Variants in CSNK2A2IP observed in about 807,000 individuals in gnomAD.
CSNK2A2IP encodes the protein casein kinase II subunit alpha'-interacting protein.
At chr3:88,464,939 T>C in the CSNK2A2IP span, 1 of 155,730 alleles carries the variant, frequency 6.4e-6, no homozygotes, top group South Asian at 2.1e-4. Flanking sequence ...TCAAAAGATA[T>C]GCATAGTGAT....
chr3:88,429,749 T>A, the CSNK2A2IP span, among the ~76,000 whole-genome samples: 201 of 152,068 alleles, frequency 1.3e-3, 1 homozygote, highest in Non-Finnish European at 2.2e-3. Context: ...TTTTTTGTTG[T>A]TGTTGTTTTG....
chr3:88,417,080 T>C, the CSNK2A2IP span, among the ~76,000 whole-genome samples: 1 of 149,888 alleles, frequency 6.7e-6, no homozygotes, highest in South Asian at 2.1e-4. Context: ...ATAAGATTAC[T>C]AGACACTGAT....
At chr3:88,422,216 A>G in the CSNK2A2IP span, among the ~76,000 whole-genome samples, 3 of 152,186 alleles carry the variant, frequency 2.0e-5, no homozygotes, top group Non-Finnish European at 4.4e-5. Flanking sequence ...ATGCATTTAA[A>G]TTCCCATCTA....
the CSNK2A2IP span, among the ~76,000 whole-genome samples, chr3:88,413,329 T>C: frequency 3.9e-5 from 6 of 151,928 alleles, no homozygotes; most frequent in Admixed American, 6.6e-5. Flanking sequence ...TAGGAGAAGG[T>C]GTAACTCTTA....
the CSNK2A2IP span, among the ~76,000 whole-genome samples, chr3:88,340,932 T>C: frequency 6.6e-6 from 1 of 151,928 alleles, no homozygotes; most frequent in Admixed American, 6.6e-5. Flanking sequence ...TACATTAGAA[T>C]CAATGTTTGT....
At chr3:88,453,557 A>G in the CSNK2A2IP span, among the ~76,000 whole-genome samples, 436 of 152,154 alleles carry the variant, frequency 2.9e-3, 2 homozygotes, top group African/African-American at 9.8e-3. Context: ...TCCCTGAAGG[A>G]CTATATCTTA....
chr3:88,379,343 T>C, the CSNK2A2IP span, among the ~76,000 whole-genome samples: 2 of 152,062 alleles, frequency 1.3e-5, no homozygotes, highest in Non-Finnish European at 2.9e-5. Flanking sequence ...ATTTCTATGG[T>C]TAATTGAGGC....
the CSNK2A2IP span, among the ~76,000 whole-genome samples, chr3:88,351,854 G>T: frequency 1.6e-3 from 250 of 152,014 alleles, 2 homozygotes; most frequent in East Asian, 0.014. Flanking sequence ...TTTCATCAAA[G>T]GAAACATTCT....
At chr3:88,414,834 C>T in the CSNK2A2IP span, among the ~76,000 whole-genome samples, 6 of 151,684 alleles carry the variant, frequency 4.0e-5, no homozygotes, top group Non-Finnish European at 8.8e-5. Context: ...TAGGACTGTA[C>T]AGTATGTTAG....
the CSNK2A2IP span, among the ~76,000 whole-genome samples, chr3:88,405,069 T>G: frequency 6.6e-6 from 1 of 152,106 alleles, no homozygotes; most frequent in African/African-American, 2.4e-5. Flanking sequence ...ACCTTTACCT[T>G]GATGTTTCCT....
the CSNK2A2IP span, among the ~76,000 whole-genome samples, chr3:88,434,311 G>C: frequency 6.6e-6 from 1 of 151,804 alleles, no homozygotes; most frequent in Admixed American, 6.6e-5. Context: ...AGTCTTTGTA[G>C]GTCTGGTAAA....
chr3:88,359,973 A>G, the CSNK2A2IP span, among the ~76,000 whole-genome samples: 7 of 152,090 alleles, frequency 4.6e-5, no homozygotes, highest in Non-Finnish European at 8.8e-5. Context: ...GAAGTCCCCA[A>G]CTATTATTGT....
At chr3:88,425,865 G>C in the CSNK2A2IP span, among the ~76,000 whole-genome samples, 1 of 152,070 alleles carries the variant, frequency 6.6e-6, no homozygotes, top group East Asian at 1.9e-4. Flanking sequence ...TATTATGCTA[G>C]ATGTTGCTGG....
the CSNK2A2IP span, among the ~76,000 whole-genome samples, chr3:88,431,460 G>A: frequency 6.6e-6 from 1 of 152,164 alleles, no homozygotes; most frequent in Admixed American, 6.6e-5. Flanking sequence ...CATGGGGAAA[G>A]GGTTGGAAGG....
At chr3:88,364,227 G>T in the CSNK2A2IP span, among the ~76,000 whole-genome samples, 5,462 of 151,840 alleles carry the variant, frequency 0.036, 144 homozygotes, top group East Asian at 0.13. Flanking sequence ...CCTGTAATTT[G>T]TTGACTTGTG....
At chr3:88,400,339 A>G in the CSNK2A2IP span, among the ~76,000 whole-genome samples, 2 of 152,122 alleles carry the variant, frequency 1.3e-5, no homozygotes, top group Admixed American at 6.6e-5. Flanking sequence ...CACCCACTAC[A>G]TAATCTAATG....
the CSNK2A2IP span, among the ~76,000 whole-genome samples, chr3:88,431,680 A>G: frequency 1.3e-5 from 2 of 152,216 alleles, no homozygotes; most frequent in African/African-American, 4.8e-5. Flanking sequence ...AAGCCATTAC[A>G]TAAATTACAT....
At chr3:88,453,600 T>C in the CSNK2A2IP span, among the ~76,000 whole-genome samples, 4 of 152,236 alleles carry the variant, frequency 2.6e-5, no homozygotes, top group East Asian at 7.7e-4. Flanking sequence ...TCCACCTATT[T>C]TTGTTTTGAT....
the CSNK2A2IP span, among the ~76,000 whole-genome samples, chr3:88,361,915 A>C: frequency 6.6e-6 from 1 of 152,152 alleles, no homozygotes; most frequent in South Asian, 2.1e-4. Context: ...TTAGTCAATT[A>C]AAGTTTTCAG....
Sources: allele counts gnomAD v4.1 joint callset (sites outside exome capture counted in the v4.1 genomes callset), GRCh38; gene constraint gnomAD v4.1.1; transcripts MANE v1.5; gene names NCBI Gene and HGNC (gene_info 2026-07-23, HGNC 2026-07-21).